CLECL1: variants seen among roughly 807,000 people sequenced by gnomAD.
CLECL1 encodes the protein C-type lectin-like domain family 1.
intron 3 of CLECL1, 123 bp from the exon 2 acceptor site, chr12:9,722,936 G>T: frequency 3.1e-6 from 2 of 636,480 alleles, no homozygotes. Context: ...AAAAGTATGT[G>T]CTTTGTTCCA....
chr12:9,708,095 G>A, the CLECL1 span, among the ~76,000 whole-genome samples: 1 of 152,182 alleles, frequency 6.6e-6, no homozygotes, highest in African/African-American at 2.4e-5. Flanking sequence ...GTGGGAGGAA[G>A]CTGGGGCAGT....
upstream of CLECL1, chr12:9,733,239 A>T (rs1196617104): frequency 6.2e-7 from 1 of 1,610,836 alleles, no homozygotes. Context: ...GAATACTTGT[A>T]TGACATGGAA....
intron 3 of CLECL1, among the ~76,000 whole-genome samples, chr12:9,727,406 T>C (rs376836112): frequency 6.3e-4 from 95 of 151,940 alleles, no homozygotes; most frequent in African/African-American, 2.2e-3. Context: ...ATGTTAATAT[T>C]TTTATCAGAA....
chr12:9,717,631 C>A (rs755814074), downstream of CLECL1, among the ~76,000 whole-genome samples: 1 of 152,304 alleles, frequency 6.6e-6, no homozygotes, highest in East Asian at 1.9e-4. Context: ...ATTAGGCATA[C>A]AAGTGAGATA....
chr12:9,722,811 A>C (rs1866331111), exon 4 of CLECL1: 8 of 1,602,476 alleles, frequency 5.0e-6, no homozygotes, highest in Non-Finnish European at 6.8e-6. Flanking sequence ...AAGTTGAAAG[A>C]AACTGGAAGA....
the CLECL1 span, among the ~76,000 whole-genome samples, chr12:9,702,969 A>G: frequency 1.3e-5 from 2 of 152,216 alleles, no homozygotes; most frequent in Non-Finnish European, 2.9e-5. Context: ...ACACAGAGGA[A>G]GAGAAGACTT....
chr12:9,702,324 C>T, the CLECL1 span, among the ~76,000 whole-genome samples: 2 of 152,190 alleles, frequency 1.3e-5, no homozygotes, highest in Non-Finnish European at 2.9e-5. Flanking sequence ...CACCATCAAG[C>T]TGTCCCTCTG....
chr12:9,715,756 C>A (rs1414084801), downstream of CLECL1: 1 of 152,566 alleles, frequency 6.6e-6, no homozygotes, highest in Non-Finnish European at 1.5e-5. Flanking sequence ...CCAGTTCTCG[C>A]CTTTATTCTG....
the CLECL1 span, among the ~76,000 whole-genome samples, chr12:9,702,303 C>T: frequency 6.6e-6 from 1 of 152,300 alleles, no homozygotes; most frequent in Admixed American, 6.5e-5. Context: ...ACAAACTCTT[C>T]TCCGAGGTCC....
chr12:9,731,178 C>T (rs557107951), intron 1 of CLECL1, among the ~76,000 whole-genome samples: 1 of 152,240 alleles, frequency 6.6e-6, no homozygotes, highest in African/African-American at 2.4e-5. Context: ...TGATGTCCTG[C>T]TAAGCTTCCT....
upstream of CLECL1, chr12:9,733,219 C>T (rs1259319683): frequency 1.2e-6 from 2 of 1,612,938 alleles, no homozygotes; most frequent in African/African-American, 1.3e-5. Context: ...ATCAAGGTAG[C>T]AGATTTCTCG....
At chr12:9,734,339 T>A (rs1270357173), upstream of CLECL1, among the ~76,000 whole-genome samples, 2 of 152,156 alleles carry the variant, frequency 1.3e-5, no homozygotes, top group African/African-American at 4.8e-5. Context: ...TGCATGACAC[T>A]CTCTCCCTTT....
the CLECL1 span, among the ~76,000 whole-genome samples, chr12:9,705,644 A>G: frequency 0.026 from 4,028 of 152,190 alleles, 89 homozygotes; most frequent in Admixed American, 0.047. Flanking sequence ...TCCCAGCACT[A>G]TTTACAGGGG....
chr12:9,702,218 A>C, the CLECL1 span, among the ~76,000 whole-genome samples: 1 of 152,102 alleles, frequency 6.6e-6, no homozygotes, highest in Admixed American at 6.6e-5. Flanking sequence ...TTATTGAGGG[A>C]TGGAAGTGGC....
At chr12:9,722,656 G>A (rs1459676836) in exon 4 of CLECL1, 3 of 1,613,700 alleles carry the variant, frequency 1.9e-6, no homozygotes, top group Non-Finnish European at 2.5e-6. Context: ...TAGCAGTAAT[G>A]TCTTGAATCA....
At chr12:9,718,916 C>A, downstream of CLECL1, 1 of 576,900 alleles carries the variant, frequency 1.7e-6, no homozygotes, top group African/African-American at 1.9e-5. Context: ...ACAGCCCTAG[C>A]ATATTAATAC....
chr12:9,728,409 A>C (rs10743820), intron 2 of CLECL1, among the ~76,000 whole-genome samples: 2 of 151,546 alleles, frequency 1.3e-5, no homozygotes, highest in Admixed American at 6.6e-5. Flanking sequence ...TTGATACATC[A>C]TACTTTTAAT....
chr12:9,719,019 G>C (rs146598277), downstream of CLECL1, among the ~76,000 whole-genome samples: 15 of 152,232 alleles, frequency 9.9e-5, no homozygotes, highest in African/African-American at 3.6e-4. Context: ...TTACATGTTT[G>C]TTGAAAGTTG....
upstream of CLECL1, chr12:9,733,062 A>G (rs779620162): frequency 3.1e-6 from 5 of 1,614,140 alleles, no homozygotes; most frequent in Non-Finnish European, 4.2e-6. Flanking sequence ...GAAGACCACA[A>G]ATGATGTCCC....
Sources: allele counts gnomAD v4.1 joint callset (sites outside exome capture counted in the v4.1 genomes callset), GRCh38; gene constraint gnomAD v4.1.1; transcripts MANE v1.5; gene names NCBI Gene and HGNC (gene_info 2026-07-23, HGNC 2026-07-21).